MACROD2: variants seen among roughly 807,000 people sequenced by gnomAD.
The protein encoded by MACROD2 is mono-ADP ribosylhydrolase 2, also known as ADP-ribose glycohydrolase MACROD2.
Under a neutral mutation model 70.4 loss-of-function variants are expected in MACROD2, and 36 were observed. That is an observed-to-expected ratio of 0.51 (90% confidence interval 0.39 to 0.68). The LOEUF (loss-of-function observed/expected upper bound fraction) is 0.68. MACROD2 is among the 30% of genes least tolerant of loss of function. The pLI is 0.00. For synonymous variants in MACROD2, 172 were observed against 178.8 expected (o/e 0.96, Z 0.30); for missense variants, 496 against 538.4 (o/e 0.92, Z 0.78).
chr20:15,019,329 C>T (rs1003905598), intron 5 of MACROD2, among the ~76,000 whole-genome samples: 6 of 152,078 alleles, frequency 3.9e-5, no homozygotes, highest in Admixed American at 2.6e-4. Context: ...AAGTCAAAAA[C>T]GAAGCAAAAC....
chr20:15,483,214 T>C (rs2047122212), intron 7 of MACROD2, among the ~76,000 whole-genome samples: 2 of 152,222 alleles, frequency 1.3e-5, no homozygotes, highest in Admixed American at 6.5e-5. Flanking sequence ...AGGACTATTA[T>C]TAACTTTGAA....
intron 5 of MACROD2, among the ~76,000 whole-genome samples, chr20:14,712,072 A>G (rs2071345471): frequency 6.6e-6 from 1 of 152,170 alleles, no homozygotes; most frequent in African/African-American, 2.4e-5. Context: ...AACTTTACAT[A>G]TATCTTTTCA....
chr20:15,978,616 C>CTCTT (rs11474584), intron 13 of MACROD2, among the ~76,000 whole-genome samples: 1 of 146,792 alleles, frequency 6.8e-6, no homozygotes, highest in Non-Finnish European at 1.5e-5. Flanking sequence ...CTCTCTCTCT[C>CTCTT]GTTCTTTCTC....
intron 3 of MACROD2, among the ~76,000 whole-genome samples, chr20:14,140,031 A>G (rs1256000796): frequency 6.6e-6 from 1 of 152,220 alleles, no homozygotes; most frequent in African/African-American, 2.4e-5. Flanking sequence ...TATATATGCA[A>G]ATACGCCAAA....
chr20:15,057,558 A>C (rs1175990826), intron 5 of MACROD2, among the ~76,000 whole-genome samples: 4 of 152,168 alleles, frequency 2.6e-5, no homozygotes, highest in African/African-American at 9.7e-5. Flanking sequence ...TATAACTACA[A>C]ATCCTTTCCC....
intron 6 of MACROD2, among the ~76,000 whole-genome samples, chr20:15,263,917 C>T (rs1002364938): frequency 2.0e-5 from 3 of 151,956 alleles, no homozygotes; most frequent in Admixed American, 2.0e-4. Context: ...TTTATCAGTT[C>T]TAATAGTTTT....
intron 8 of MACROD2, among the ~76,000 whole-genome samples, chr20:15,504,868 T>A (rs1157606383): frequency 1.3e-5 from 2 of 152,228 alleles, no homozygotes; most frequent in East Asian, 1.9e-4. Context: ...CCTAGATTTC[T>A]AAGTTGGGGT....
intron 3 of MACROD2, among the ~76,000 whole-genome samples, chr20:14,435,231 T>A (rs2084043235): frequency 6.6e-6 from 1 of 152,324 alleles, no homozygotes; most frequent in South Asian, 2.1e-4. Context: ...TCCATCTTCA[T>A]ATGGACTTCT....
chr20:14,837,337 G>T (rs1275569576), intron 5 of MACROD2, among the ~76,000 whole-genome samples: 2 of 151,938 alleles, frequency 1.3e-5, no homozygotes, highest in Non-Finnish European at 2.9e-5. Flanking sequence ...AAAAAATCTT[G>T]TTGCAGTAAT....
intron 5 of MACROD2, among the ~76,000 whole-genome samples, chr20:14,875,248 GCACGTGC>G (rs1280182328): frequency 2.6e-5 from 4 of 151,928 alleles, no homozygotes; most frequent in African/African-American, 9.7e-5. Context: ...AGGCGTGGTG[GCACGTGC>G]CTGTAGTTCC....
chr20:15,738,422 A>G (rs766905486), intron 8 of MACROD2, among the ~76,000 whole-genome samples: 9 of 152,210 alleles, frequency 5.9e-5, no homozygotes, highest in Non-Finnish European at 1.0e-4. Flanking sequence ...GAAAGGAAAA[A>G]TTAAGGAAGA....
chr20:14,690,776 T>G (rs1037166761), intron 5 of MACROD2, among the ~76,000 whole-genome samples: 4 of 152,200 alleles, frequency 2.6e-5, no homozygotes, highest in African/African-American at 9.7e-5. Flanking sequence ...GTTTACATAT[T>G]GTCTATGGCT....
intron 5 of MACROD2, among the ~76,000 whole-genome samples, chr20:15,179,662 A>G (rs186860048): frequency 2.8e-3 from 428 of 152,328 alleles, no homozygotes; most frequent in Admixed American, 5.2e-3. Flanking sequence ...ATACCAGTCC[A>G]CAGGATGCTG....
intron 8 of MACROD2, among the ~76,000 whole-genome samples, chr20:15,555,134 A>T (rs1413863766): frequency 6.6e-6 from 1 of 152,152 alleles, no homozygotes; most frequent in Non-Finnish European, 1.5e-5. Context: ...TGTGAAGGGG[A>T]TCCCAGTGGG....
chr20:15,772,879 A>G (rs972804579), intron 8 of MACROD2, among the ~76,000 whole-genome samples: 7 of 152,158 alleles, frequency 4.6e-5, no homozygotes, highest in African/African-American at 1.7e-4. Context: ...AGCATTGAAA[A>G]CAGATATTTC....
intron 8 of MACROD2, among the ~76,000 whole-genome samples, chr20:15,610,468 G>C (rs115906688): frequency 6.6e-6 from 1 of 152,140 alleles, no homozygotes; most frequent in African/African-American, 2.4e-5. Flanking sequence ...CTCCGCCTTA[G>C]ACTTCACATG....
At chr20:15,666,731 T>C (rs2049902491) in intron 8 of MACROD2, among the ~76,000 whole-genome samples, 1 of 152,186 alleles carries the variant, frequency 6.6e-6, no homozygotes, top group Non-Finnish European at 1.5e-5. Flanking sequence ...ATTTAGTGCT[T>C]GCCCTCAAGA....
intron 3 of MACROD2, among the ~76,000 whole-genome samples, chr20:14,102,038 C>CTT (rs1385461315): frequency 8.4e-5 from 9 of 107,762 alleles, no homozygotes; most frequent in Admixed American, 1.5e-4. Context: ...GAGTCTCACT[C>CTT]TGTCACTCAG....
chr20:15,574,849 G>T (rs977903509), intron 8 of MACROD2, among the ~76,000 whole-genome samples: 2 of 152,102 alleles, frequency 1.3e-5, no homozygotes, highest in African/African-American at 4.8e-5. Flanking sequence ...AGATTCTTTT[G>T]CTAGTCGCTT....
Sources: allele counts gnomAD v4.1 joint callset (sites outside exome capture counted in the v4.1 genomes callset), GRCh38; gene constraint gnomAD v4.1.1; transcripts MANE v1.5; gene names NCBI Gene and HGNC (gene_info 2026-07-23, HGNC 2026-07-21).